Variants in GPR158 observed in about 807,000 individuals in gnomAD.
GPR158 encodes the protein metabotropic glycine receptor.
A neutral mutation model predicts 78.2 loss-of-function variants in GPR158; 30 were observed. The ratio of observed to expected loss-of-function variants is 0.38; its 90% CI spans 0.29 to 0.52. The LOEUF is 0.52. Ranked by LOEUF, GPR158 falls within the 20% of genes least tolerant of loss-of-function variation. The probability of loss-of-function intolerance (pLI) is 0.83; values close to 1 mark genes in which losing one functional copy is unlikely to be tolerated. For missense variants in GPR158, 1,463 were observed against 1,523.5 expected, an observed-to-expected ratio of 0.96 and a Z score of 0.66; for synonymous variants, 581 against 591.1, an observed-to-expected ratio of 0.98 and a Z score of 0.25.
intron 2 of GPR158, among the ~76,000 whole-genome samples, chr10:25,222,244 C>G (rs1348620103): frequency 6.6e-6 from 1 of 152,082 alleles, no homozygotes; most frequent in Admixed American, 6.6e-5. Flanking sequence ...CACTGTTTCT[C>G]ACATCCGCCA....
chr10:25,550,221 T>G (rs1564487073), intron 5 of GPR158, among the ~76,000 whole-genome samples: 1 of 152,214 alleles, frequency 6.6e-6, no homozygotes, highest in Non-Finnish European at 1.5e-5. Context: ...TGCAATTTCC[T>G]ATTTCCATGT....
chr10:25,586,389 GAATTTTTT>G (rs1564498195), intron 7 of GPR158, among the ~76,000 whole-genome samples: 1 of 119,276 alleles, frequency 8.4e-6, no homozygotes, highest in Non-Finnish European at 1.8e-5. Context: ...AGGTATGTGT[GAATTTTTT>G]TTTTTTTTTT....
chr10:25,277,918 G>A (rs1172666241), intron 2 of GPR158, among the ~76,000 whole-genome samples: 2 of 152,106 alleles, frequency 1.3e-5, no homozygotes, highest in Non-Finnish European at 2.9e-5. Flanking sequence ...TAAATGGCCT[G>A]CTTATTGAAA....
At chr10:25,336,256 G>C (rs189374773) in intron 2 of GPR158, among the ~76,000 whole-genome samples, 2 of 152,104 alleles carry the variant, frequency 1.3e-5, no homozygotes, top group African/African-American at 4.8e-5. Context: ...GTTATTTGAA[G>C]TCTGTATAAT....
intron 2 of GPR158, among the ~76,000 whole-genome samples, chr10:25,370,014 TC>T (rs1320262204): frequency 6.9e-6 from 1 of 145,208 alleles, no homozygotes; most frequent in Non-Finnish European, 1.5e-5. Flanking sequence ...GGTGGTGATA[TC>T]CCCTTTATCA....
chr10:25,293,112 G>A (rs962882985), intron 2 of GPR158, among the ~76,000 whole-genome samples: 13 of 152,182 alleles, frequency 8.5e-5, no homozygotes, highest in Non-Finnish European at 1.5e-4. Context: ...GAAGCTTTGA[G>A]ATTTTGCAGC....
intron 2 of GPR158, among the ~76,000 whole-genome samples, chr10:25,278,959 G>A (rs926521070): frequency 6.6e-5 from 10 of 151,854 alleles, no homozygotes; most frequent in African/African-American, 1.4e-4. Flanking sequence ...TTCAAAAGAT[G>A]TGCAAAGAAA....
chr10:25,500,867 T>C (rs1316937992), intron 5 of GPR158, among the ~76,000 whole-genome samples: 2 of 152,220 alleles, frequency 1.3e-5, no homozygotes, highest in Admixed American at 6.5e-5. Flanking sequence ...CTGTGTTAGA[T>C]CAAATTAATT....
chr10:25,286,843 AC>A (rs1854357815), intron 2 of GPR158, among the ~76,000 whole-genome samples: 1 of 151,828 alleles, frequency 6.6e-6, no homozygotes, highest in Non-Finnish European at 1.5e-5. Flanking sequence ...AGTAGTTGTT[AC>A]CTTATGTTTA....
At position 25,505,356 on chromosome 10, in the gene GPR158, C is replaced by T. The variant is rs78349959; in HGVS notation, c.1404+38637C>T. 8.2e-3 allele frequency among the ~76,000 whole-genome samples: 1,250 copies of T among 152,296 alleles called. 12 individuals are homozygous for T. The highest frequency in any genetic ancestry group is 0.029 in the African/African-American group (1,189 of 41,556). On this transcript the variant is annotated intron_variant, in intron 5 of 10. Transcript: ENST00000376351. Reference sequence around the variant, plus strand: ...AACATAAAGGCAGACAAATTCAGAACAACCTCATTCTGGTAAACAAATCCT... The same window carrying T: ...AACATAAAGGCAGACAAATTCAGAATAACCTCATTCTGGTAAACAAATCCT...
intron 2 of GPR158, among the ~76,000 whole-genome samples, chr10:25,338,516 TATAC>T (rs1486440645): frequency 1.4e-4 from 17 of 124,886 alleles, no homozygotes; most frequent in Admixed American, 6.7e-4. Flanking sequence ...TTACGTATAA[TATAC>T]GTATATTACG....
At chr10:25,278,740 T>TAAATAATTA (rs1488474353) in intron 2 of GPR158, among the ~76,000 whole-genome samples, 1 of 151,394 alleles carries the variant, frequency 6.6e-6, no homozygotes, top group East Asian at 1.9e-4. Context: ...TAAAATTAAT[T>TAAATAATTA]AAATAATTAA....
intron 2 of GPR158, among the ~76,000 whole-genome samples, chr10:25,252,634 G>C (rs1403900136): frequency 6.6e-6 from 1 of 152,136 alleles, no homozygotes; most frequent in African/African-American, 2.4e-5. Flanking sequence ...TCAGGGGTCA[G>C]GGGTCAGGGA....
chr10:25,483,648 C>T (rs896058858), intron 5 of GPR158, among the ~76,000 whole-genome samples: 6 of 152,052 alleles, frequency 3.9e-5, no homozygotes, highest in Admixed American at 6.6e-5. Context: ...TGCTGTTTTT[C>T]GGCACCTGGA....
chr10:25,547,697 A>G (rs1836680986), intron 5 of GPR158, among the ~76,000 whole-genome samples: 1 of 152,292 alleles, frequency 6.6e-6, no homozygotes, highest in South Asian at 2.1e-4. Flanking sequence ...TCTTATGAGC[A>G]TGAACTCTGG....
chr10:25,480,676 T>C (rs1037042067), intron 5 of GPR158, among the ~76,000 whole-genome samples: 4 of 152,248 alleles, frequency 2.6e-5, no homozygotes, highest in African/African-American at 7.2e-5. Context: ...TTCATTCCTT[T>C]ATATGGCTTA....
At chr10:25,425,913 A>G (rs748422936) in intron 4 of GPR158, among the ~76,000 whole-genome samples, 1 of 152,108 alleles carries the variant, frequency 6.6e-6, no homozygotes, top group Non-Finnish European at 1.5e-5. Context: ...TTCAGCTTTC[A>G]GCAGTTTCCA....
intron 5 of GPR158, among the ~76,000 whole-genome samples, chr10:25,547,777 A>G (rs991715237): frequency 2.0e-5 from 3 of 152,132 alleles, no homozygotes; most frequent in Non-Finnish European, 2.9e-5. Flanking sequence ...ACATCACTTA[A>G]ATTATCTTTG....
chr10:25,448,443 C>A (rs1168301755), intron 4 of GPR158, among the ~76,000 whole-genome samples: 2 of 152,104 alleles, frequency 1.3e-5, no homozygotes, highest in Non-Finnish European at 2.9e-5. Context: ...CTGTTGTGTG[C>A]ATCACTTTTT....
Sources: gnomAD v4.1 joint callset for allele counts (sites outside exome capture counted in the v4.1 genomes callset) on GRCh38, gnomAD v4.1.1 for gene constraint, MANE v1.5 for transcripts, NCBI Gene and HGNC (gene_info 2026-07-23, HGNC 2026-07-21) for gene names.